The following KCNJ6 variants were observed in gnomAD, a reference collection of about 807,000 sequenced individuals.
KCNJ6 encodes potassium inwardly rectifying channel subfamily J member 6, also known as G protein-activated inward rectifier potassium channel 2.
In KCNJ6, 9 loss-of-function variants were observed where a neutral mutation model predicts 34.2. That is an observed-to-expected ratio of 0.26 (90% CI 0.16 to 0.46). The LOEUF (loss-of-function observed/expected upper bound fraction) is 0.46. Ranked by LOEUF, KCNJ6 falls within the 20% of genes least tolerant of loss-of-function variation. KCNJ6 has a pLI of 1.00. For missense variants in KCNJ6, 236 were observed against 531.3 expected (o/e 0.44, Z 5.46); for synonymous variants, 196 against 207.1 (o/e 0.95, Z 0.46).
chr21:37,854,911 G>C (rs1431866082), intron 1 of KCNJ6, among the ~76,000 whole-genome samples: 1 of 152,182 alleles, frequency 6.6e-6, no homozygotes, highest in Non-Finnish European at 1.5e-5. Context: ...CACGAATATA[G>C]TTGAAGATGC....
At chr21:37,724,561 G>C (rs1173694654) in intron 2 of KCNJ6, among the ~76,000 whole-genome samples, 1 of 152,224 alleles carries the variant, frequency 6.6e-6, no homozygotes, top group Non-Finnish European at 1.5e-5. Context: ...AGACTAGTGA[G>C]TGTGGAGGGG....
chr21:37,844,199 C>T (rs1449284486), intron 1 of KCNJ6, among the ~76,000 whole-genome samples: 1 of 152,006 alleles, frequency 6.6e-6, no homozygotes, highest in Non-Finnish European at 1.5e-5. Flanking sequence ...GCTGGGATTA[C>T]AGGTGCACAC....
At chr21:37,661,138 CT>C (rs1374335682) in intron 3 of KCNJ6, among the ~76,000 whole-genome samples, 1 of 152,140 alleles carries the variant, frequency 6.6e-6, no homozygotes, top group African/African-American at 2.4e-5. Context: ...CTAAAAGAGG[CT>C]TTTCTAACTA....
chr21:37,782,820 A>G (rs2055175914), intron 2 of KCNJ6, among the ~76,000 whole-genome samples: 1 of 152,110 alleles, frequency 6.6e-6, no homozygotes, highest in Non-Finnish European at 1.5e-5. Flanking sequence ...GGCAGTCTGG[A>G]TTATGCCTGT....
At chr21:37,637,557 C>T (rs1162625104) in intron 3 of KCNJ6, among the ~76,000 whole-genome samples, 1 of 152,062 alleles carries the variant, frequency 6.6e-6, no homozygotes, top group African/African-American at 2.4e-5. Context: ...TGTGAGCCAA[C>T]CATCTGGTCC....
At chr21:37,638,185 T>G (rs1338663514) in intron 3 of KCNJ6, among the ~76,000 whole-genome samples, 4 of 152,234 alleles carry the variant, frequency 2.6e-5, no homozygotes, top group African/African-American at 9.6e-5. Flanking sequence ...CTCGCTCTGT[T>G]GCCCAGGCTG....
At chr21:37,796,779 C>CTTTTTT (rs1172378200) in intron 2 of KCNJ6, among the ~76,000 whole-genome samples, 123 of 71,486 alleles carry the variant, frequency 1.7e-3, no homozygotes, top group South Asian at 2.6e-3. Flanking sequence ...TTCTTTCTTT[C>CTTTTTT]TTTTTTTTTT....
chr21:37,846,400 TGTGTGA>T (rs1200399490), intron 1 of KCNJ6, among the ~76,000 whole-genome samples: 1 of 100,062 alleles, frequency 1.0e-5, no homozygotes. Flanking sequence ...TGTGTGTGTG[TGTGTGA>T]GGGAGAGAGG....
intron 1 of KCNJ6, among the ~76,000 whole-genome samples, chr21:37,858,243 A>G (rs1272918970): frequency 1.3e-5 from 2 of 151,898 alleles, no homozygotes; most frequent in Non-Finnish European, 1.5e-5. Flanking sequence ...TACAAAAAAA[A>G]TTAGCCAGGC....
At chr21:37,629,067 A>C (rs2054322854) in intron 3 of KCNJ6, among the ~76,000 whole-genome samples, 1 of 152,162 alleles carries the variant, frequency 6.6e-6, no homozygotes, top group Non-Finnish European at 1.5e-5. Flanking sequence ...ATAAAAAGAC[A>C]CTAGATAGTA....
At chr21:37,914,598 CTGCGGT>C (rs2055884210) in intron 1 of KCNJ6, among the ~76,000 whole-genome samples, 1 of 152,250 alleles carries the variant, frequency 6.6e-6, no homozygotes, top group African/African-American at 2.4e-5. Flanking sequence ...ATAACTGGAG[CTGCGGT>C]CTCCCCTCCC....
At chr21:37,686,160 C>T (rs890938860) in intron 3 of KCNJ6, among the ~76,000 whole-genome samples, 29 of 152,000 alleles carry the variant, frequency 1.9e-4, no homozygotes, top group Admixed American at 7.2e-4. Context: ...TAAAAACACC[C>T]AAATTAAAAT....
chr21:37,878,097 T>C (rs1303537813), intron 1 of KCNJ6, among the ~76,000 whole-genome samples: 1 of 152,214 alleles, frequency 6.6e-6, no homozygotes, highest in Non-Finnish European at 1.5e-5. Context: ...TCTATCAATC[T>C]GCACGGTGGA....
In KCNJ6 at chr21:37,792,321, C is replaced by T. The variant is rs150433853; in HGVS notation, c.25+48337G>A. ...GATCTCAGTTCATATGCTGGCTGGG[C>T]CACTAGCTGCCCAAATCAATCACTA... On this transcript the variant is annotated intron_variant, in intron 2 of 3. Transcript: ENST00000609713. Among the ~76,000 whole-genome samples, 9 of 152,308 alleles carry T rather than the reference C, an allele frequency of 5.9e-5. No individual in the cohort carries two copies. In the East Asian group the frequency reaches 1.7e-3, roughly 29 times the overall value.
chr21:37,703,675 C>T (rs1380364187), intron 3 of KCNJ6, among the ~76,000 whole-genome samples: 3 of 152,222 alleles, frequency 2.0e-5, no homozygotes, highest in African/African-American at 4.8e-5. Context: ...GCCCCCTCTC[C>T]ACTGGGCCAC....
At chr21:37,833,268 G>A (rs1275105896) in intron 2 of KCNJ6, among the ~76,000 whole-genome samples, 1 of 152,150 alleles carries the variant, frequency 6.6e-6, no homozygotes, top group Non-Finnish European at 1.5e-5. Context: ...ACCCACCTCA[G>A]CCTCCCAAAG....
intron 2 of KCNJ6, among the ~76,000 whole-genome samples, chr21:37,746,358 G>T (rs2054967679): frequency 6.6e-6 from 1 of 152,172 alleles, no homozygotes; most frequent in African/African-American, 2.4e-5. Flanking sequence ...AAATCATGAG[G>T]TTGCAAGAGA....
At chr21:37,834,559 C>A (rs2055442530) in intron 2 of KCNJ6, among the ~76,000 whole-genome samples, 1 of 152,226 alleles carries the variant, frequency 6.6e-6, no homozygotes, top group South Asian at 2.1e-4. Context: ...GGAACCCCAT[C>A]TTTTTGTCTT....
chr21:37,868,220 T>C (rs911716733), intron 1 of KCNJ6, among the ~76,000 whole-genome samples: 1 of 152,152 alleles, frequency 6.6e-6, no homozygotes, highest in African/African-American at 2.4e-5. Flanking sequence ...GGTAGCACAT[T>C]CTCCTATTAA....
Sources: allele counts gnomAD v4.1 joint callset (sites outside exome capture counted in the v4.1 genomes callset), GRCh38; gene constraint gnomAD v4.1.1; transcripts MANE v1.5; gene names NCBI Gene and HGNC (gene_info 2026-07-23, HGNC 2026-07-21).